Variants in KALRN observed in about 807,000 individuals in gnomAD.
KALRN encodes kalirin.
A neutral mutation model predicts 353.7 loss-of-function variants in KALRN; 70 were observed. The observed-to-expected ratio is 0.20, with a 90% confidence interval of 0.16 to 0.24. KALRN has a LOEUF of 0.24. Ranked by LOEUF, KALRN falls within the 10% of genes least tolerant of loss-of-function variation. KALRN has a pLI of 1.00. For missense variants in KALRN, 2,791 were observed against 3,756.7 expected, an observed-to-expected ratio of 0.74 and a Z score of 6.72; for synonymous variants, 1,391 against 1,434.8, an observed-to-expected ratio of 0.97 and a Z score of 0.69.
At chr3:124,633,168 A>G (rs1044595965) in intron 35 of KALRN, among the ~76,000 whole-genome samples, 1 of 152,248 alleles carries the variant, frequency 6.6e-6, no homozygotes, top group Non-Finnish European at 1.5e-5. Context: ...TGATGAACAG[A>G]TGAAGATTAC....
chr3:124,632,506 C>T lies in KALRN; in HGVS notation c.5269C>T (p.His1757Tyr). The change falls in exon 35 of 60, where the codon CAC (histidine) becomes TAC (tyrosine). Residue 1757 changes from histidine (H) to tyrosine (Y), a missense_variant. Physicochemically the swap from His to Tyr is moderately conservative, Grantham distance 83 (BLOSUM62 2). Transcript: ENST00000682506. The stretch of plus-strand genomic sequence containing the variant: ...GGCCCAGCCCTCCCTGAACTCCATC[C>T]ACAGTTCCCCGGGTCCCAAGCGCTC... The part of the protein sequence containing the change: ...LQAQPSLNSI[H>Y]SSPGPKRSTN... 1 of 1,614,210 alleles carries T rather than the reference C, an allele frequency of 6.2e-7. No individual in the cohort carries two copies. Among genetic ancestry groups the T allele is most frequent in the Non-Finnish European group, 8.5e-7 (1 of 1,180,044 alleles).
intron 1 of KALRN, among the ~76,000 whole-genome samples, chr3:124,123,736 A>G (rs2064305584): frequency 6.6e-6 from 1 of 152,202 alleles, no homozygotes; most frequent in Non-Finnish European, 1.5e-5. Context: ...TTAGGAGCTA[A>G]TGTAGCTGGT....
At chr3:124,180,722 C>T (rs2073451169) in intron 1 of KALRN, among the ~76,000 whole-genome samples, 1 of 152,084 alleles carries the variant, frequency 6.6e-6, no homozygotes, top group South Asian at 2.1e-4. Flanking sequence ...GGTTGCCCTC[C>T]CATGCCCCTG....
At chr3:124,409,114 A>G (rs661798) in intron 13 of KALRN, among the ~76,000 whole-genome samples, 83,740 of 152,074 alleles carry the variant, frequency 0.55, 23,664 homozygotes, top group East Asian at 0.76. Flanking sequence ...ATCTGTCAAA[A>G]AAGTCATCAT....
chr3:124,525,437 A>G (rs2067505706), intron 33 of KALRN, among the ~76,000 whole-genome samples: 2 of 152,118 alleles, frequency 1.3e-5, no homozygotes, highest in Admixed American at 1.3e-4. Context: ...GGTGGTTGTT[A>G]TGGCATGCAT....
At chr3:124,416,595 T>C (rs551650881) in intron 14 of KALRN, among the ~76,000 whole-genome samples, 1 of 152,248 alleles carries the variant, frequency 6.6e-6, no homozygotes, top group African/African-American at 2.4e-5. Flanking sequence ...TCCCTGTCTA[T>C]GGCTGAATGC....
intron 14 of KALRN, among the ~76,000 whole-genome samples, chr3:124,419,452 T>G (rs1285246634): frequency 6.6e-6 from 1 of 151,968 alleles, no homozygotes; most frequent in African/African-American, 2.4e-5. Flanking sequence ...AGTCTCACCA[T>G]TCATAGCATA....
chr3:124,681,572 T>A (rs1222769164), intron 51 of KALRN, among the ~76,000 whole-genome samples: 1 of 151,992 alleles, frequency 6.6e-6, no homozygotes, highest in Admixed American at 6.6e-5. Context: ...ATCCCCAGTA[T>A]GTGTGGATGT....
intron 1 of KALRN, among the ~76,000 whole-genome samples, chr3:124,139,302 A>T (rs938565249): frequency 6.6e-6 from 1 of 152,150 alleles, no homozygotes; most frequent in African/African-American, 2.4e-5. Context: ...TCATGTGTCA[A>T]AGTTTGGGTG....
intron 38 of KALRN, among the ~76,000 whole-genome samples, chr3:124,653,279 T>C (rs1227331947): frequency 1.3e-5 from 2 of 152,024 alleles, no homozygotes; most frequent in African/African-American, 2.4e-5. Context: ...TGAACACAAA[T>C]AGTCATTTGT....
At chr3:124,298,719 C>T in intron 5 of KALRN, 72 bp from the exon 6 acceptor site, 1 of 1,559,576 alleles carries the variant, frequency 6.4e-7, no homozygotes, top group Non-Finnish European at 8.8e-7. Context: ...TCCCCTTCCA[C>T]TAGCTCTGAA....
At chr3:124,555,415 A>G (rs1235401951) in intron 33 of KALRN, among the ~76,000 whole-genome samples, 2 of 31,682 alleles carry the variant, frequency 6.3e-5, no homozygotes, top group Non-Finnish European at 1.1e-4. Flanking sequence ...CTCTGTCCCA[A>G]AATAAATAAA....
intron 21 of KALRN, among the ~76,000 whole-genome samples, chr3:124,451,206 G>A (rs748923348): frequency 7.2e-5 from 11 of 151,962 alleles, no homozygotes; most frequent in Non-Finnish European, 1.5e-4. Flanking sequence ...TTTACTCAGA[G>A]TGAGGCTCAC....
chr3:124,566,321 C>A (rs748904767), intron 34 of KALRN, among the ~76,000 whole-genome samples: 31 of 151,932 alleles, frequency 2.0e-4, no homozygotes, highest in South Asian at 4.2e-4. Context: ...GGCAACATGG[C>A]GAAACCCTGT....
At chr3:124,354,422 G>T (rs1392295937) in intron 10 of KALRN, among the ~76,000 whole-genome samples, 1 of 152,184 alleles carries the variant, frequency 6.6e-6, no homozygotes, top group South Asian at 2.1e-4. Flanking sequence ...AGTGCATCTT[G>T]TAAGGACTGG....
chr3:124,603,596 C>T (rs560329994), intron 34 of KALRN, among the ~76,000 whole-genome samples: 1 of 152,262 alleles, frequency 6.6e-6, no homozygotes, highest in Admixed American at 6.5e-5. Context: ...AGCCCAAAGG[C>T]CAAGCTGTGT....
rs535209762 is a variant in KALRN at position 124,333,281 on chromosome 3, G to T, written c.1417-984G>T. Among the ~76,000 whole-genome samples the T allele has an allele frequency of 4.5e-4, 69 of 152,274 alleles. 1 individual carries two copies. Among genetic ancestry groups the T allele is most frequent in the African/African-American group, 1.6e-3 (68 of 41,548 alleles). ...GGGGACACAGACAAACCATATCAAT[G>T]GTGATGATGATGAAGATAAAATTGG... On this transcript the variant is annotated intron_variant, in intron 8 of 59. Transcript: ENST00000682506.
At chr3:124,678,565 T>G in intron 50 of KALRN, 1 of 259,496 alleles carries the variant, frequency 3.9e-6, no homozygotes. Flanking sequence ...TGCAGATGTT[T>G]TACAGCAAAA....
intron 1 of KALRN, among the ~76,000 whole-genome samples, chr3:124,120,736 A>ATATATATATATATATATATATATATATG (rs1553774505): frequency 5.5e-5 from 8 of 144,382 alleles, no homozygotes; most frequent in African/African-American, 2.1e-4. Flanking sequence ...ATATATATAT[A>ATATATATATATATATATATATATATATG]TATATATATT....
Sources: gnomAD v4.1 joint callset for allele counts (sites outside exome capture counted in the v4.1 genomes callset) on GRCh38, gnomAD v4.1.1 for gene constraint, MANE v1.5 for transcripts, NCBI Gene and HGNC (gene_info 2026-07-23, HGNC 2026-07-21) for gene names.